Variants in NRXN2 observed in about 807,000 individuals in gnomAD.
NRXN2 encodes neurexin-2-beta.
Under a neutral mutation model 128.8 loss-of-function variants are expected in NRXN2, and 29 were observed. The ratio of observed to expected loss-of-function variants is 0.23; its 90% CI spans 0.17 to 0.31. NRXN2 has a LOEUF of 0.31. Among genes scored for constraint, NRXN2 ranks in the 10% least tolerant of loss-of-function variants. The pLI, the probability that NRXN2 is intolerant of heterozygous loss-of-function variation, is 1.00. For synonymous variants in NRXN2, 1,098 were observed against 1,075.2 expected, an observed-to-expected ratio of 1.02 and a Z score of -0.41; for missense variants, 1,881 against 2,452.6, an observed-to-expected ratio of 0.77 and a Z score of 4.92.
chr11:64,612,204 G>A (rs1180314132), intron 22 of NRXN2, among the ~76,000 whole-genome samples: 2 of 152,100 alleles, frequency 1.3e-5, no homozygotes, highest in African/African-American at 4.8e-5. Context: ...ACCTGGAGGA[G>A]GGGAGGACCG....
At position 64,704,649 on chromosome 11, in the gene NRXN2, G is replaced by C. The variant is rs527817771; in HGVS notation, c.731-6857C>G. On this transcript the variant is annotated intron_variant, in intron 2 of 22. Transcript: ENST00000265459. ...AGAGAGAGAGAGAGAGAGAGAGAGA[G>C]AGAGAGAGAGAGAGAGAGAGAGATG... Among the ~76,000 whole-genome samples, 19 of 151,126 alleles carry C rather than the reference G, an allele frequency of 1.3e-4. No individual in the cohort carries two copies. In the South Asian group the frequency reaches 1.9e-3, roughly 15 times the overall value.
chr11:64,638,278 G>A (rs983482445), intron 17 of NRXN2, among the ~76,000 whole-genome samples: 2 of 152,246 alleles, frequency 1.3e-5, no homozygotes, highest in Non-Finnish European at 2.9e-5. Context: ...TTATTACACT[G>A]TGGGGGGACT....
At chr11:64,682,118 G>A (rs190958893) in intron 6 of NRXN2, among the ~76,000 whole-genome samples, 7 of 152,020 alleles carry the variant, frequency 4.6e-5, no homozygotes, top group African/African-American at 1.7e-4. Flanking sequence ...CCAACCTTGG[G>A]GACTCCATTC....
rs1336665936 is a variant in NRXN2, at chr11:64,704,623, C to CACAGAGAGAGAGAGAG, written c.731-6832_731-6831insCTCTCTCTCTCTCTGT. ...TCACACACACACACACACACACACACAGAGAGAGAGAGAGAGAGAGAGAGA... is the reference window on the plus strand; with the variant it reads ...TCACACACACACACACACACACACACACAGAGAGAGAGAGAGAGAGAGAGAGAGAGAGAGAGAGAGA... On this transcript the variant is annotated intron_variant, in intron 2 of 22. Coordinates refer to ENST00000265459, the MANE Select transcript of NRXN2 (RefSeq NM_015080.4). Among the ~76,000 whole-genome samples the CACAGAGAGAGAGAGAG allele has an allele frequency of 4.6e-4, 37 of 81,202 alleles. 1 individual carries two copies. Among genetic ancestry groups the CACAGAGAGAGAGAGAG allele is most frequent in the East Asian group, 1.8e-3 (5 of 2,798 alleles). The allele number at this position is 81,202 out of a possible 152,430, so 53.3% of individuals were successfully genotyped here. A position where few individuals can be genotyped will look rare whatever the true frequency, so the allele number is the denominator to read the frequency against.
In NRXN2 at chr11:64,648,585, C is replaced by T; in HGVS notation, c.3283+149G>A. ...AAGTGACCCTTCACACACCTGTATC[C>T]CTGCCCCAGAACTGTGGGGGCAAGC... On this transcript the variant is annotated intron_variant, in intron 16 of 22. Transcript: ENST00000265459. The surrounding 1 kb of genome is among the most constrained non-coding windows in gnomAD (Gnocchi z 4.1). The T allele has an allele frequency of 8.5e-7, 1 of 1,174,412 alleles. No homozygotes were observed. The highest frequency in any genetic ancestry group is 1.2e-6 in the Non-Finnish European group (1 of 802,682). 72.7% of individuals were successfully genotyped at this position (1,174,412 alleles called of 1,614,324 possible).
chr11:64,704,050 G>C (rs780346280), intron 2 of NRXN2, among the ~76,000 whole-genome samples: 2 of 152,278 alleles, frequency 1.3e-5, no homozygotes, highest in East Asian at 3.9e-4. Flanking sequence ...AGCAACTGCT[G>C]TCTATACCAC....
chr11:64,689,113 C>T (rs1592132209), intron 5 of NRXN2, among the ~76,000 whole-genome samples: 1 of 152,150 alleles, frequency 6.6e-6, no homozygotes, highest in South Asian at 2.1e-4. Context: ...GCTGTGGGCA[C>T]CTCAGAAAGA....
At chr11:64,614,219 C>T (rs191712817) in intron 22 of NRXN2, among the ~76,000 whole-genome samples, 1 of 152,314 alleles carries the variant, frequency 6.6e-6, no homozygotes, top group East Asian at 1.9e-4. Context: ...CAGCCTTGCT[C>T]AAGGATCAGA....
intron 1 of NRXN2, among the ~76,000 whole-genome samples, chr11:64,716,831 C>T (rs1241272161): frequency 2.0e-5 from 3 of 152,090 alleles, no homozygotes; most frequent in African/African-American, 7.2e-5. Flanking sequence ...TCACGCTTGC[C>T]AGGTAGAGAT....
At position 64,632,881 on chromosome 11, in the gene NRXN2, G is replaced by A. The variant is rs1488516402; in HGVS notation, c.3586-2308C>T. Among the ~76,000 whole-genome samples, 2 of 152,234 alleles carry A rather than the reference G, an allele frequency of 1.3e-5. No homozygotes were observed. Among genetic ancestry groups the A allele is most frequent in the Non-Finnish European group, 1.5e-5 (1 of 68,042 alleles). ...AGTGGAGCGACGCTTTATTAGAAAC[G>A]TCAAATTGCTTTTCTCTTATTTTGC... On this transcript the variant is annotated intron_variant, in intron 18 of 22. Transcript: ENST00000265459. The surrounding 1 kb of genome is among the most constrained non-coding windows in gnomAD (Gnocchi z 4.2).
chr11:64,686,256 G>A (rs1182987480), intron 5 of NRXN2, among the ~76,000 whole-genome samples: 1 of 152,128 alleles, frequency 6.6e-6, no homozygotes, highest in Non-Finnish European at 1.5e-5. Flanking sequence ...GGTGCTCACT[G>A]TCTCCTCCCC....
chr11:64,648,485 G>C lies in NRXN2; in HGVS notation c.3284-147C>G, dbSNP rs564409972. 2 of 1,353,346 alleles carry C rather than the reference G, an allele frequency of 1.5e-6. No individual in the cohort carries two copies. The highest frequency in any genetic ancestry group is 1.9e-5 in the Admixed American group (1 of 52,288). 83.8% of individuals were successfully genotyped at this position (1,353,346 alleles called of 1,614,324 possible). On this transcript the variant is annotated intron_variant, in intron 16 of 22. Coordinates refer to ENST00000265459, the MANE Select transcript of NRXN2 (RefSeq NM_015080.4). This position sits in a 1 kb window ranked among gnomAD's most constrained non-coding sequence, Gnocchi z 4.1. ...GCCAAGTACTGATGACAGGGATTGG[G>C]GCAGGAGGGTCAGGTCTGCTAGGCT...
intron 17 of NRXN2, among the ~76,000 whole-genome samples, chr11:64,644,240 C>T (rs769681099): frequency 1.3e-5 from 2 of 152,122 alleles, no homozygotes; most frequent in African/African-American, 2.4e-5. Context: ...CCACAGCATA[C>T]AGTGCACCCA....
In NRXN2 at chr11:64,712,967, C is replaced by T. The variant is rs2057093320; in HGVS notation, c.730+3G>A. ...CACCGGGCGGCCGCTCCCCGGGGCT[C>T]ACCTTCGCTGCAGAACTTGCCGCCG... is the stretch of plus-strand genomic sequence containing the variant. On this transcript the variant is annotated splice_donor_region_variant and intron_variant, in intron 2 of 22. Transcript: ENST00000265459. 1 of 1,505,144 alleles carries T rather than the reference C, an allele frequency of 6.6e-7. No homozygotes were observed. Among genetic ancestry groups the T allele is most frequent in the South Asian group, 1.2e-5 (1 of 81,668 alleles). 93.2% of individuals were successfully genotyped at this position (1,505,144 alleles called of 1,614,324 possible).
chr11:64,664,620 GA>G (rs1446365874), intron 9 of NRXN2, among the ~76,000 whole-genome samples: 3 of 150,580 alleles, frequency 2.0e-5, no homozygotes, highest in Non-Finnish European at 4.4e-5. Flanking sequence ...AACAAAAATA[GA>G]AAAAAAAATG....
chr11:64,647,798 G>A (rs965809253), intron 17 of NRXN2, among the ~76,000 whole-genome samples: 1 of 152,226 alleles, frequency 6.6e-6, no homozygotes, highest in African/African-American at 2.4e-5. Context: ...ACCAAAGGGG[G>A]TGCAGATTGT....
chr11:64,667,139 A>C lies in NRXN2; in HGVS notation c.1798+111T>G. 1.8e-6 allele frequency: 2 copies of C among 1,082,692 alleles called. No homozygotes were observed. Among genetic ancestry groups the C allele is most frequent in the Non-Finnish European group, 2.8e-6 (2 of 726,018 alleles). 67.1% of individuals were successfully genotyped at this position (1,082,692 alleles called of 1,614,324 possible). On this transcript the variant is annotated intron_variant, in intron 9 of 22. Transcript: ENST00000265459. The surrounding 1 kb of genome is among the most constrained non-coding windows in gnomAD (Gnocchi z 5.6). ...GGGGGTGGAGGAGAAGCGGCAGGGA[A>C]GAATATAGGAAATGGTGTAGAAGAG...
At chr11:64,612,512 G>A (rs1296513293) in intron 22 of NRXN2, among the ~76,000 whole-genome samples, 5 of 152,312 alleles carry the variant, frequency 3.3e-5, no homozygotes, top group African/African-American at 1.2e-4. Context: ...AGTGCATGTG[G>A]GCCCCACTTA....
intron 19 of NRXN2, among the ~76,000 whole-genome samples, chr11:64,627,303 G>A (rs936582296): frequency 4.0e-5 from 6 of 151,848 alleles, no homozygotes; most frequent in East Asian, 1.9e-4. Context: ...CAGGTGTGGC[G>A]CCTGGTGTGG....
Sources: allele counts gnomAD v4.1 joint callset (sites outside exome capture counted in the v4.1 genomes callset), GRCh38; gene constraint gnomAD v4.1.1; non-coding constraint Gnocchi (gnomAD v3.1); transcripts MANE v1.5; gene names NCBI Gene and HGNC (gene_info 2026-07-23, HGNC 2026-07-21).